Variants in SLC35F3 observed in about 807,000 individuals in gnomAD.
SLC35F3 encodes the protein putative thiamine transporter SLC35F3.
SLC35F3 carries 25 observed loss-of-function variants against 49.9 expected under a neutral mutation model. The observed-to-expected ratio is 0.50, with a 90% CI of 0.37 to 0.70. The LOEUF (loss-of-function observed/expected upper bound fraction) is 0.70, where lower values mean the gene tolerates loss of function less well. SLC35F3 is among the 30% of genes least tolerant of loss of function. The pLI, the probability that SLC35F3 is intolerant of heterozygous loss-of-function variation, is 0.00. For missense variants in SLC35F3, 525 were observed against 639.8 expected (o/e 0.82, Z 1.94); for synonymous variants, 275 against 265.4 (o/e 1.04, Z -0.35).
intron 2 of SLC35F3, among the ~76,000 whole-genome samples, chr1:234,091,637 G>A (rs1472204865): frequency 6.6e-6 from 1 of 152,100 alleles, no homozygotes; most frequent in Non-Finnish European, 1.5e-5. Flanking sequence ...TTTGGTTTGT[G>A]GTCTTCTAAA....
At chr1:234,304,410 G>A (rs61824464) in intron 3 of SLC35F3, among the ~76,000 whole-genome samples, 11,422 of 151,712 alleles carry the variant, frequency 0.075, 567 homozygotes, top group Middle Eastern at 0.11. Context: ...TGATCTGCCC[G>A]CCTTGGCATC....
intron 2 of SLC35F3, among the ~76,000 whole-genome samples, chr1:234,205,174 C>T (rs1666951484): frequency 1.3e-5 from 2 of 152,296 alleles, no homozygotes; most frequent in Non-Finnish European, 2.9e-5. Flanking sequence ...GCAAAATTTT[C>T]ACTCCCATTC....
At chr1:234,321,753 A>G (rs474208) in intron 7 of SLC35F3, among the ~76,000 whole-genome samples, 50,104 of 151,994 alleles carry the variant, frequency 0.33, 8,642 homozygotes, top group East Asian at 0.57. Context: ...GAAGCCGGGG[A>G]CCCTGCCGCG....
rs1004533259 is a variant in SLC35F3 at position 233,922,987 on chromosome 1, A to G, written c.283+17229A>G. On this transcript the variant is annotated intron_variant, in intron 2 of 7. Transcript: ENST00000366618. ...GTGTGGTATTATTTCTGAGGGCTCT[A>G]TTATGTACCATTGGTCTATATCCGC... 9.2e-5 allele frequency among the ~76,000 whole-genome samples: 14 copies of G among 152,212 alleles called. 1 individual carries two copies. In the East Asian group the frequency reaches 1.4e-3, roughly 15 times the overall value.
intron 2 of SLC35F3, among the ~76,000 whole-genome samples, chr1:233,988,196 T>C (rs74145755): frequency 6.6e-6 from 1 of 152,326 alleles, no homozygotes; most frequent in African/African-American, 2.4e-5. Context: ...TCAGATGGTT[T>C]CATTAAAAGA....
chr1:234,162,675 T>C (rs760403913), intron 2 of SLC35F3, among the ~76,000 whole-genome samples: 2 of 152,144 alleles, frequency 1.3e-5, no homozygotes, highest in Non-Finnish European at 2.9e-5. Flanking sequence ...TATGTAGCCA[T>C]TGAAGCCTTA....
At chr1:233,993,290 G>A (rs1315955899) in intron 2 of SLC35F3, among the ~76,000 whole-genome samples, 1 of 152,066 alleles carries the variant, frequency 6.6e-6, no homozygotes, top group Non-Finnish European at 1.5e-5. Context: ...TGAGCTCTCA[G>A]TGAGCATGAG....
chr1:234,088,847 C>T (rs190586217), intron 2 of SLC35F3, among the ~76,000 whole-genome samples: 2 of 152,234 alleles, frequency 1.3e-5, no homozygotes, highest in Admixed American at 1.3e-4. Flanking sequence ...CTGCAACCTC[C>T]ACCTCCCAGG....
chr1:234,279,861 G>A (rs928286145), intron 3 of SLC35F3, among the ~76,000 whole-genome samples: 1 of 152,178 alleles, frequency 6.6e-6, no homozygotes, highest in Non-Finnish European at 1.5e-5. Flanking sequence ...CATTCATTAT[G>A]TTTTCTCCAT....
At chr1:234,093,646 G>A (rs963748381) in intron 2 of SLC35F3, among the ~76,000 whole-genome samples, 2 of 152,354 alleles carry the variant, frequency 1.3e-5, no homozygotes, top group African/African-American at 2.4e-5. Context: ...GGAGGAAATT[G>A]CAAGATTCTC....
intron 2 of SLC35F3, among the ~76,000 whole-genome samples, chr1:234,187,975 C>T (rs919608002): frequency 7.9e-5 from 12 of 152,194 alleles, no homozygotes; most frequent in Admixed American, 6.5e-5. Context: ...GGTTTCTCAA[C>T]GCCTGTAATC....
intron 4 of SLC35F3, among the ~76,000 whole-genome samples, chr1:234,314,526 C>T (rs115941945): frequency 0.025 from 3,765 of 152,244 alleles, 56 homozygotes; most frequent in Middle Eastern, 0.037. Context: ...TTTGGAAAGC[C>T]GAGGTGTGTG....
intron 2 of SLC35F3, among the ~76,000 whole-genome samples, chr1:234,013,433 C>T (rs1269408570): frequency 6.7e-6 from 1 of 149,352 alleles, no homozygotes; most frequent in Non-Finnish European, 1.5e-5. Context: ...CCTCAAGGAA[C>T]TAGAAAAAGA....
At chr1:234,036,299 C>G (rs1664141688) in intron 2 of SLC35F3, among the ~76,000 whole-genome samples, 2 of 152,314 alleles carry the variant, frequency 1.3e-5, no homozygotes, top group Admixed American at 1.3e-4. Flanking sequence ...TTCTTGGGCT[C>G]AAGCAATCCT....
chr1:234,103,190 G>C (rs1014657702), intron 2 of SLC35F3, among the ~76,000 whole-genome samples: 2 of 152,146 alleles, frequency 1.3e-5, no homozygotes, highest in Non-Finnish European at 2.9e-5. Flanking sequence ...GTGTGTTAAG[G>C]TGCAGCTGCC....
At chr1:233,988,816 A>G (rs1663309761) in intron 2 of SLC35F3, among the ~76,000 whole-genome samples, 1 of 152,128 alleles carries the variant, frequency 6.6e-6, no homozygotes, top group South Asian at 2.1e-4. Context: ...GCCAAGCCTT[A>G]CCAGATGTTT....
chr1:234,235,962 T>G (rs574906143), intron 3 of SLC35F3, among the ~76,000 whole-genome samples: 1 of 152,152 alleles, frequency 6.6e-6, no homozygotes, highest in Non-Finnish European at 1.5e-5. Context: ...AGCTTTGTTC[T>G]GAAAATAGTT....
intron 2 of SLC35F3, among the ~76,000 whole-genome samples, chr1:234,017,126 T>C (rs1663812384): frequency 6.6e-6 from 1 of 152,166 alleles, no homozygotes; most frequent in African/African-American, 2.4e-5. Flanking sequence ...TCATTTGCAG[T>C]AGTTATGCTC....
At chr1:234,317,075 C>T (rs985942163) in intron 5 of SLC35F3, among the ~76,000 whole-genome samples, 1 of 152,180 alleles carries the variant, frequency 6.6e-6, no homozygotes, top group Admixed American at 6.5e-5. Flanking sequence ...GATCATTTGC[C>T]ACCCTATGGG....
Sources: gnomAD v4.1 joint callset for allele counts (sites outside exome capture counted in the v4.1 genomes callset) on GRCh38, gnomAD v4.1.1 for gene constraint, MANE v1.5 for transcripts, NCBI Gene and HGNC (gene_info 2026-07-23, HGNC 2026-07-21) for gene names.